The following IPO11 variants were observed in gnomAD, a reference collection of about 807,000 sequenced individuals.
IPO11 encodes the protein importin-11.
A neutral mutation model predicts 143.2 loss-of-function variants in IPO11; 66 were observed. The observed-to-expected ratio is 0.46, with a 90% CI of 0.38 to 0.57. IPO11 has a LOEUF of 0.57. Among genes scored for constraint, IPO11 ranks in the 20% least tolerant of loss-of-function variants. IPO11 has a pLI of 0.00. For missense variants in IPO11, 1,026 were observed against 1,141.0 expected, an observed-to-expected ratio of 0.90 and a Z score of 1.45; for synonymous variants, 385 against 377.8, an observed-to-expected ratio of 1.02 and a Z score of -0.22.
chr5:62,560,837 T>C (rs1561363378), intron 26 of IPO11: 2 of 183,244 alleles, frequency 1.1e-5, no homozygotes, highest in Non-Finnish European at 2.3e-5. Flanking sequence ...TGCATGTTTT[T>C]TTTAATTGTA....
At chr5:62,450,098 A>G (rs1744857183) in intron 4 of IPO11, 99 bp downstream of exon 4, 1 of 678,282 alleles carries the variant, frequency 1.5e-6, no homozygotes, top group Non-Finnish European at 2.4e-6. Context: ...AAATATCACT[A>G]TTACACTATT....
chr5:62,456,476 G>A (rs972821750), intron 5 of IPO11, among the ~76,000 whole-genome samples: 1 of 152,126 alleles, frequency 6.6e-6, no homozygotes, highest in African/African-American at 2.4e-5. Context: ...CCCAAATCAC[G>A]ATGTGTAACA....
At chr5:62,515,007 T>G (rs1741959536) in intron 19 of IPO11, among the ~76,000 whole-genome samples, 1 of 152,232 alleles carries the variant, frequency 6.6e-6, no homozygotes, top group African/African-American at 2.4e-5. Context: ...TGGAAGATAT[T>G]TGTAGAATGA....
chr5:62,488,066 T>G (rs2112232509), intron 13 of IPO11, among the ~76,000 whole-genome samples: 1 of 152,314 alleles, frequency 6.6e-6, no homozygotes, highest in Middle Eastern at 3.4e-3. Flanking sequence ...GATGATAAAT[T>G]TTCCTGTAGT....
intron 27 of IPO11, among the ~76,000 whole-genome samples, chr5:62,589,906 C>G (rs557605909): frequency 1.3e-5 from 2 of 152,292 alleles, no homozygotes; most frequent in East Asian, 3.9e-4. Flanking sequence ...AGCCTAGAAA[C>G]TGAGAGTAGC....
At chr5:62,580,741 C>G in intron 27 of IPO11, 1 of 1,551,418 alleles carries the variant, frequency 6.4e-7, no homozygotes, top group South Asian at 1.2e-5. Flanking sequence ...GATGGCCTGG[C>G]ATAAAGTAAC....
At chr5:62,612,410 G>A (rs1212481561) in intron 29 of IPO11, among the ~76,000 whole-genome samples, 1 of 152,156 alleles carries the variant, frequency 6.6e-6, no homozygotes, top group East Asian at 1.9e-4. Context: ...AGCAAAGGCT[G>A]TTAAATACTA....
intron 15 of IPO11, 47 bp from the exon 16 acceptor site, chr5:62,493,951 C>G (rs1741037891): frequency 2.7e-6 from 4 of 1,497,696 alleles, no homozygotes; most frequent in Non-Finnish European, 3.6e-6. Flanking sequence ...AGAAATAGAC[C>G]TCTTAAAATA....
intron 1 of IPO11, among the ~76,000 whole-genome samples, chr5:62,415,456 C>T (rs963117455): frequency 1.3e-5 from 2 of 148,334 alleles, no homozygotes; most frequent in African/African-American, 5.0e-5. Flanking sequence ...AGCCCGGCCC[C>T]GTCTTTACTT....
At chr5:62,596,036 A>C (rs1035862926) in intron 28 of IPO11, among the ~76,000 whole-genome samples, 1 of 151,552 alleles carries the variant, frequency 6.6e-6, no homozygotes, top group African/African-American at 2.4e-5. Context: ...AGACGGTAGA[A>C]TCGCTTGAGC....
At chr5:62,567,532 T>C (rs1484722992) in intron 27 of IPO11, among the ~76,000 whole-genome samples, 1 of 147,880 alleles carries the variant, frequency 6.8e-6, no homozygotes, top group Non-Finnish European at 1.5e-5. Flanking sequence ...TCTCTCCCTC[T>C]TGAAGGTCAA....
At chr5:62,514,001 G>A (rs185037278) in intron 19 of IPO11, among the ~76,000 whole-genome samples, 4 of 150,514 alleles carry the variant, frequency 2.7e-5, no homozygotes, top group African/African-American at 7.4e-5. Context: ...ATGGGCTGCC[G>A]GGCAGAGACG....
intron 26 of IPO11, among the ~76,000 whole-genome samples, chr5:62,552,464 T>C (rs1177326864): frequency 1.3e-5 from 2 of 150,410 alleles, no homozygotes; most frequent in Non-Finnish European, 1.5e-5. Flanking sequence ...GGGTAATATA[T>C]ATTTTTTAGT....
chr5:62,494,150 A>G (rs1741045468), intron 16 of IPO11, 26 bp downstream of exon 16: 1 of 1,583,560 alleles, frequency 6.3e-7, no homozygotes, highest in African/African-American at 1.4e-5. Context: ...GCCTTAAAAG[A>G]GTTAGTTTTT....
At chr5:62,577,414 A>G (rs1167164011) in intron 27 of IPO11, among the ~76,000 whole-genome samples, 1 of 152,096 alleles carries the variant, frequency 6.6e-6, no homozygotes, top group East Asian at 1.9e-4. Context: ...CTCTGGTTAT[A>G]TTACTTTGTG....
At chr5:62,444,180 C>G (rs1291101274) in intron 3 of IPO11, among the ~76,000 whole-genome samples, 1 of 151,178 alleles carries the variant, frequency 6.6e-6, no homozygotes, top group Non-Finnish European at 1.5e-5. Flanking sequence ...ACTGCAAGCT[C>G]TGCCTCACGG....
intron 29 of IPO11, among the ~76,000 whole-genome samples, chr5:62,623,642 T>C (rs1235266976): frequency 1.3e-5 from 2 of 149,958 alleles, no homozygotes; most frequent in Non-Finnish European, 3.0e-5. Context: ...CTTTCTTCTT[T>C]TTCTTTTTTT....
At chr5:62,446,308 C>T (rs972675621) in intron 3 of IPO11, among the ~76,000 whole-genome samples, 1 of 152,170 alleles carries the variant, frequency 6.6e-6, no homozygotes, top group African/African-American at 2.4e-5. Context: ...CTTTTACACA[C>T]ATGTGCATTT....
At position 62,601,753 on chromosome 5, in the gene IPO11, AATT is replaced by A; in HGVS notation, c.2679-5_2679-3del. The A allele has an allele frequency of 6.8e-7, 1 of 1,467,344 alleles. No individual in the cohort carries two copies. Among genetic ancestry groups the A allele is most frequent in the Non-Finnish European group, 9.1e-7 (1 of 1,095,888 alleles). The allele number at this position is 1,467,344 out of a possible 1,614,324, so 90.9% of individuals were successfully genotyped here. ...TTTATTTAAAACATGTTTTTTAAAA[AATT>A]ATTATAGCTGTATGTTGATGTCTCA... On this transcript the variant is annotated splice_polypyrimidine_tract_variant and splice_region_variant and intron_variant, in intron 28 of 29. Coordinates refer to ENST00000325324, the MANE Select transcript of IPO11 (RefSeq NM_016338.5).
Sources: allele counts gnomAD v4.1 joint callset (sites outside exome capture counted in the v4.1 genomes callset), GRCh38; gene constraint gnomAD v4.1.1; transcripts MANE v1.5; gene names NCBI Gene and HGNC (gene_info 2026-07-23, HGNC 2026-07-21).